Variants in DBF4B observed in about 807,000 individuals in gnomAD.
The protein encoded by DBF4B is DBF4B-CDC7 kinase regulatory subunit.
In DBF4B, 49 loss-of-function variants were observed where a neutral mutation model predicts 53.4. The observed-to-expected ratio is 0.92, with a 90% CI of 0.73 to 1.16. The LOEUF is 1.16. Among genes scored for constraint, DBF4B ranks in the 50% most tolerant of loss-of-function variants. The pLI, the probability that DBF4B is intolerant of heterozygous loss-of-function variation, is 0.00. For missense variants in DBF4B, 692 were observed against 775.0 expected (o/e 0.89, Z 1.27); for synonymous variants, 257 against 288.7 (o/e 0.89, Z 1.11).
At position 44,708,801 on chromosome 17, in the gene DBF4B, CGAGAAG is replaced by C; in HGVS notation, c.-16_-11del. The C allele has an allele frequency of 6.4e-7, 1 of 1,550,452 alleles. No individual in the cohort carries two copies. Among genetic ancestry groups the C allele is most frequent in the Non-Finnish European group, 8.7e-7 (1 of 1,146,558 alleles). ...GCCTCTGAGGAAGGAGTACGGAGGC[CGAGAAG>C]GAGCCGGCATTTGATGAGCGAACCG... On this transcript the variant is annotated 5_prime_UTR_variant, in exon 1 of 14. Transcript: ENST00000315005.
intron 3 of DBF4B, among the ~76,000 whole-genome samples, chr17:44,725,684 C>T (rs199637751): frequency 4.5e-4 from 39 of 87,624 alleles, no homozygotes; most frequent in African/African-American, 1.1e-3. Context: ...TTTTGTGCTT[C>T]TTTTTTTTTT....
intron 3 of DBF4B, among the ~76,000 whole-genome samples, chr17:44,726,733 T>C (rs1276026310): frequency 6.6e-6 from 1 of 152,220 alleles, no homozygotes; most frequent in Non-Finnish European, 1.5e-5. Flanking sequence ...CTCTTAATAA[T>C]TTTTAGCATT....
chr17:44,745,516 A>G (rs923700312), intron 10 of DBF4B, among the ~76,000 whole-genome samples: 4 of 152,228 alleles, frequency 2.6e-5, no homozygotes, highest in Non-Finnish European at 5.9e-5. Flanking sequence ...ACAAGGTGGC[A>G]GGAGGGATAA....
At position 44,751,958 on chromosome 17, in the gene DBF4B, C is replaced by G; in HGVS notation, c.*705C>G. The G allele has an allele frequency of 6.5e-6, 10 of 1,536,168 alleles. No homozygotes were observed. The highest frequency in any genetic ancestry group is 8.7e-6 in the Non-Finnish European group (10 of 1,146,924). ...CATTCAGCACAGGCCTTGCCGTCTG[C>G]CCTGAGTCAGCTCCGAGACACCTGA... On this transcript the variant is annotated 3_prime_UTR_variant, in exon 14 of 14. Coordinates refer to ENST00000315005, the MANE Select transcript of DBF4B (RefSeq NM_145663.3).
At position 44,709,371 on chromosome 17, in the gene DBF4B, G is replaced by A. The variant is rs1156294764; in HGVS notation, c.82+5G>A. 2 of 1,614,182 alleles carry A rather than the reference G, an allele frequency of 1.2e-6. No homozygotes were observed. The highest frequency in any genetic ancestry group is 2.2e-5 in the East Asian group (1 of 44,884). ...GGCTCCGGGCCCCGGACCTAGGTGG[G>A]TAACAGGACAGAACTAGGGACGTGA... On this transcript the variant is annotated splice_donor_5th_base_variant and intron_variant, in intron 2 of 13. Coordinates refer to ENST00000315005, the MANE Select transcript of DBF4B (RefSeq NM_145663.3).
At chr17:44,724,991 C>G (rs965921226) in intron 3 of DBF4B, among the ~76,000 whole-genome samples, 1 of 152,062 alleles carries the variant, frequency 6.6e-6, no homozygotes, top group Non-Finnish European at 1.5e-5. Flanking sequence ...CGGCACATGC[C>G]TGTAATCCCA....
chr17:44,708,804 G>A lies in DBF4B; in HGVS notation c.-17G>A. The A allele has an allele frequency of 1.3e-6, 2 of 1,551,392 alleles. No individual in the cohort carries two copies. Among genetic ancestry groups the A allele is most frequent in the Non-Finnish European group, 1.7e-6 (2 of 1,146,928 alleles). ...TCTGAGGAAGGAGTACGGAGGCCGA[G>A]AAGGAGCCGGCATTTGATGAGCGAA... On this transcript the variant is annotated 5_prime_UTR_variant, in exon 1 of 14. Coordinates refer to ENST00000315005, the MANE Select transcript of DBF4B (RefSeq NM_145663.3).
At chr17:44,717,205 CT>C (rs1568162200) in intron 2 of DBF4B, among the ~76,000 whole-genome samples, 1 of 152,118 alleles carries the variant, frequency 6.6e-6, no homozygotes, top group African/African-American at 2.4e-5. Context: ...ATTTATTTAT[CT>C]CTTTGTGATA....
chr17:44,741,494 GCCAAAGTCC>G, intron 10 of DBF4B, 42 bp downstream of exon 10: 2 of 1,370,302 alleles, frequency 1.5e-6, no homozygotes, highest in Middle Eastern at 3.9e-4. Flanking sequence ...CTGGTTACAG[GCCAAAGTCC>G]TCCCCATCGG....
chr17:44,713,098 G>A (rs1342408949), intron 2 of DBF4B, among the ~76,000 whole-genome samples: 1 of 142,202 alleles, frequency 7.0e-6, no homozygotes, highest in East Asian at 2.1e-4. Context: ...GGAGTGCAGT[G>A]GCGTGATCTG....
intron 8 of DBF4B, 92 bp from the exon 9 acceptor site, chr17:44,738,287 A>G: frequency 1.4e-6 from 2 of 1,408,116 alleles, no homozygotes; most frequent in Non-Finnish European, 9.7e-7. Context: ...AGGCTTTGGC[A>G]GAGCCTTCCC....
At chr17:44,710,976 A>ATTT (rs10522434) in intron 2 of DBF4B, among the ~76,000 whole-genome samples, 10 of 98,306 alleles carry the variant, frequency 1.0e-4, no homozygotes, top group Non-Finnish European at 1.7e-4. Context: ...TTCCAGTTTG[A>ATTT]TTTTTTTTTT....
In DBF4B at chr17:44,751,526, TCGCC is replaced by T; in HGVS notation, c.*274_*277del. 3.8e-6 allele frequency: 5 copies of T among 1,318,322 alleles called. No individual in the cohort carries two copies. Among genetic ancestry groups the T allele is most frequent in the Admixed American group, 7.5e-5 (2 of 26,678 alleles). The allele number at this position is 1,318,322 out of a possible 1,614,324, so 81.7% of individuals were successfully genotyped here. A position where few individuals can be genotyped will look rare whatever the true frequency, so the allele number is the denominator to read the frequency against. ...TCTGTCCCTGGCCCTCCAGCCCACC[TCGCC>T]AACCACTCTTGTTGGTTTCCTTCTC... On this transcript the variant is annotated 3_prime_UTR_variant, in exon 14 of 14. Coordinates refer to ENST00000315005, the MANE Select transcript of DBF4B (RefSeq NM_145663.3).
chr17:44,750,657 C>G lies in DBF4B; in HGVS notation c.1252C>G (p.Pro418Ala). The G allele has an allele frequency of 6.2e-7, 1 of 1,614,036 alleles. No individual in the cohort carries two copies. Among genetic ancestry groups the G allele is most frequent in the Non-Finnish European group, 8.5e-7 (1 of 1,180,042 alleles). ...WTESLDGVMG[P>A]PASHTCVSAT... The stretch of plus-strand genomic sequence containing the variant: ...AGAATCACTAGATGGTGTGATGGGA[C>G]CTCCTGCAAGTCACACATGTGTGAG... The change falls in exon 14 of 14, where the codon CCT (proline) becomes GCT (alanine). Residue 418 changes from proline (P) to alanine (A), a missense_variant. This residue lies in a region of DBF4B where 597 missense variants were observed against 665.8 expected (regional missense o/e 0.90). Coordinates refer to ENST00000315005, the MANE Select transcript of DBF4B (RefSeq NM_145663.3).
At position 44,716,700 on chromosome 17, in the gene DBF4B, G is replaced by T. The variant is rs184693223; in HGVS notation, c.83-6180G>T. ...TCCCCTGAGGGGAAAAATCTCCCCA[G>T]TTAAGAACCACGGCTCTAGTCTTCT... On this transcript the variant is annotated intron_variant, in intron 2 of 13. Transcript: ENST00000315005. 1.6e-3 allele frequency among the ~76,000 whole-genome samples: 238 copies of T among 152,280 alleles called. 1 individual carries two copies. The highest frequency in any genetic ancestry group is 5.5e-3 in the African/African-American group (230 of 41,576).
At chr17:44,714,151 A>G (rs982877217) in intron 2 of DBF4B, among the ~76,000 whole-genome samples, 2 of 152,054 alleles carry the variant, frequency 1.3e-5, no homozygotes, top group Non-Finnish European at 2.9e-5. Context: ...AAAGTCATAT[A>G]ATGGACTTTG....
rs2049265066 is a variant in DBF4B at position 44,750,902 on chromosome 17, C to T, written c.1497C>T (p.Ala499=). The T allele has an allele frequency of 6.2e-7, 1 of 1,614,098 alleles. No individual in the cohort carries two copies. Among genetic ancestry groups the T allele is most frequent in the Admixed American group, 1.7e-5 (1 of 60,016 alleles). ...AGGGCCCACTCCTCTTCCCTGAAGC[C>T]AGACCGTGGCTTATGTCTGCACGCT... ...PVKGPLLFPE[A]RPWLMSARCW... is the part of the protein sequence containing the mutation. Residue 499 remains alanine, a synonymous_variant, in exon 14 of 14, where the codon GCC becomes GCT. Transcript: ENST00000315005.
intron 10 of DBF4B, among the ~76,000 whole-genome samples, chr17:44,744,560 T>C (rs1318660574): frequency 1.3e-5 from 2 of 152,216 alleles, no homozygotes; most frequent in Non-Finnish European, 2.9e-5. Context: ...CAGAGTAAAT[T>C]TGCAATTGCT....
intron 8 of DBF4B, 71 bp downstream of exon 8, chr17:44,736,937 T>C: frequency 6.4e-7 from 1 of 1,552,440 alleles, no homozygotes; most frequent in Non-Finnish European, 8.9e-7. Flanking sequence ...CGACTCCCTC[T>C]GTGGCAGCAT....
Sources: gnomAD v4.1 joint callset for allele counts (sites outside exome capture counted in the v4.1 genomes callset) on GRCh38, gnomAD v4.1.1 for gene constraint, gnomAD v4.1.1 regional missense constraint, MANE v1.5 for transcripts, NCBI Gene and HGNC (gene_info 2026-07-23, HGNC 2026-07-21) for gene names.